The following TIAM1 variants were observed in gnomAD, a reference collection of about 807,000 sequenced individuals.
TIAM1 encodes rho guanine nucleotide exchange factor TIAM1.
A neutral mutation model predicts 163.5 loss-of-function variants in TIAM1; 65 were observed. The observed-to-expected ratio is 0.40, with a 90% confidence interval of 0.33 to 0.49. TIAM1 has a LOEUF of 0.49. TIAM1 is among the 20% of genes least tolerant of loss of function. The pLI is 0.77. For synonymous variants in TIAM1, 833 were observed against 810.1 expected (o/e 1.03, Z -0.48); for missense variants, 1,789 against 2,044.7 (o/e 0.87, Z 2.41).
chr21:31,492,804 C>T (rs2046514224), intron 1 of TIAM1, among the ~76,000 whole-genome samples: 1 of 151,426 alleles, frequency 6.6e-6, no homozygotes, highest in African/African-American at 2.4e-5. Flanking sequence ...CACACACACA[C>T]ACACACACAC....
intron 25 of TIAM1, among the ~76,000 whole-genome samples, 196 bp from the exon 26 acceptor site, chr21:31,127,348 C>T (rs2082239312): frequency 6.6e-6 from 1 of 151,676 alleles, no homozygotes; most frequent in African/African-American, 2.4e-5. Context: ...GAAGAGAACA[C>T]TTGGAAAATT....
At chr21:31,549,871 C>T (rs928812731) in intron 1 of TIAM1, among the ~76,000 whole-genome samples, 23 of 152,212 alleles carry the variant, frequency 1.5e-4, no homozygotes, top group African/African-American at 5.3e-4. Flanking sequence ...CGCCTGTAAT[C>T]TCAGCACTTT....
intron 2 of TIAM1, among the ~76,000 whole-genome samples, chr21:31,290,677 A>T (rs2073988477): frequency 7.1e-6 from 1 of 140,216 alleles, no homozygotes; most frequent in Non-Finnish European, 1.5e-5. Flanking sequence ...AAAAAAAAAA[A>T]ATTAGCAACA....
At chr21:31,421,531 C>T (rs1396443361) in intron 2 of TIAM1, among the ~76,000 whole-genome samples, 1 of 152,260 alleles carries the variant, frequency 6.6e-6, no homozygotes, top group East Asian at 1.9e-4. Context: ...TTGTGAACGG[C>T]GCACGCGAGG....
chr21:31,166,481 A>G (rs1450634814), intron 15 of TIAM1, among the ~76,000 whole-genome samples: 1 of 152,194 alleles, frequency 6.6e-6, no homozygotes, highest in African/African-American at 2.4e-5. Flanking sequence ...TTAGGGAGGA[A>G]GTGGACCCCT....
intron 1 of TIAM1, among the ~76,000 whole-genome samples, chr21:31,500,770 C>T (rs1001010917): frequency 3.3e-5 from 5 of 152,198 alleles, no homozygotes; most frequent in Non-Finnish European, 7.3e-5. Context: ...AGGCATGGAA[C>T]TGACGGTCCC....
chr21:31,170,610 C>A (rs1315442485), intron 15 of TIAM1, among the ~76,000 whole-genome samples: 2 of 152,154 alleles, frequency 1.3e-5, no homozygotes, highest in African/African-American at 2.4e-5. Context: ...AAGCAGTGCA[C>A]AACAGGCTAA....
intron 2 of TIAM1, among the ~76,000 whole-genome samples, chr21:31,462,712 CT>C (rs1166335366): frequency 1.3e-5 from 2 of 151,122 alleles, no homozygotes; most frequent in African/African-American, 4.9e-5. Context: ...CCTCTCCGAA[CT>C]GCCTACCTAA....
intron 9 of TIAM1, among the ~76,000 whole-genome samples, chr21:31,214,638 A>T (rs1036202019): frequency 6.6e-6 from 1 of 152,220 alleles, no homozygotes; most frequent in African/African-American, 2.4e-5. Context: ...CATGAAAATT[A>T]GAATAGGGTA....
chr21:31,378,997 A>G (rs116081631), intron 2 of TIAM1, among the ~76,000 whole-genome samples: 2,777 of 152,276 alleles, frequency 0.018, 89 homozygotes, highest in African/African-American at 0.064. Flanking sequence ...ATTGAGATGG[A>G]GTCTCGCTCT....
chr21:31,351,423 C>T (rs775128721), intron 2 of TIAM1, among the ~76,000 whole-genome samples: 62 of 152,126 alleles, frequency 4.1e-4, no homozygotes, highest in Non-Finnish European at 8.4e-4. Flanking sequence ...AATTTGGGGG[C>T]TCCAACCTAG....
At chr21:31,495,483 G>T (rs151039335) in intron 1 of TIAM1, among the ~76,000 whole-genome samples, 1 of 152,270 alleles carries the variant, frequency 6.6e-6, no homozygotes, top group Non-Finnish European at 1.5e-5. Flanking sequence ...TGCCATTCAC[G>T]ACAGAGGAGC....
intron 1 of TIAM1, among the ~76,000 whole-genome samples, chr21:31,478,022 T>C (rs1232808685): frequency 6.6e-6 from 1 of 152,196 alleles, no homozygotes; most frequent in Non-Finnish European, 1.5e-5. Flanking sequence ...AGGCAGTGCA[T>C]GCGCACAGGT....
At chr21:31,287,881 G>A (rs2073872184) in intron 2 of TIAM1, among the ~76,000 whole-genome samples, 1 of 152,070 alleles carries the variant, frequency 6.6e-6, no homozygotes, top group African/African-American at 2.4e-5. Context: ...GGAAGAGAAG[G>A]GAAAGACTTA....
At chr21:31,332,691 C>T (rs2075714349) in intron 2 of TIAM1, among the ~76,000 whole-genome samples, 1 of 151,620 alleles carries the variant, frequency 6.6e-6, no homozygotes, top group Admixed American at 6.6e-5. Flanking sequence ...CTGGAACCAC[C>T]CAGAGAAAAT....
intron 1 of TIAM1, among the ~76,000 whole-genome samples, chr21:31,522,838 A>G (rs1342183430): frequency 6.6e-6 from 1 of 152,234 alleles, no homozygotes; most frequent in East Asian, 1.9e-4. Context: ...AATTAAAACA[A>G]CATTTTTTTC....
intron 8 of TIAM1, among the ~76,000 whole-genome samples, chr21:31,221,232 A>AC (rs2087538886): frequency 6.6e-6 from 1 of 152,174 alleles, no homozygotes; most frequent in South Asian, 2.1e-4. Context: ...AGGAACAGAC[A>AC]CCCAACAGGC....
Position 31,202,942 on chromosome 21 carries a change from T to C in TIAM1, c.2459A>G (p.Tyr820Cys), listed in dbSNP as rs550467602. Residue 820 changes from tyrosine to cysteine, a missense_variant, in exon 12 of 28, where the codon TAT becomes TGT. By Grantham distance (194) the Tyr-to-Cys change is radical. Coordinates refer to ENST00000541036, the MANE Select transcript of TIAM1 (RefSeq NM_001353694.2). ...KFLIENKMQLYVPQPEEDIYE... is the reference protein window; with the variant it reads ...KFLIENKMQLCVPQPEEDIYE... ...GATGTCTTCCTCGGGCTGTGGAACA[T>C]AGAGCTGCATTTTGTTTTCTATTAG... 1.4e-5 allele frequency: 23 copies of C among 1,614,182 alleles called. No individual in the cohort carries two copies. The East Asian group carries it at 1.6e-4, about 11-fold the overall frequency.
intron 4 of TIAM1, among the ~76,000 whole-genome samples, chr21:31,256,799 C>T (rs2072135928): frequency 6.6e-6 from 1 of 152,154 alleles, no homozygotes; most frequent in African/African-American, 2.4e-5. Context: ...TTGTAAGACA[C>T]TGTATAAGAC....
Sources: gnomAD v4.1 joint callset for allele counts (sites outside exome capture counted in the v4.1 genomes callset) on GRCh38, gnomAD v4.1.1 for gene constraint, MANE v1.5 for transcripts, NCBI Gene and HGNC (gene_info 2026-07-23, HGNC 2026-07-21) for gene names.